UBAP1: variants seen among roughly 807,000 people sequenced by gnomAD.
UBAP1 encodes ubiquitin-associated protein 1.
A neutral mutation model predicts 39.0 loss-of-function variants in UBAP1; 5 were observed. The observed-to-expected ratio is 0.13, with a 90% CI of 0.07 to 0.27. UBAP1 has a LOEUF of 0.27. UBAP1 is among the 10% of genes least tolerant of loss of function. The probability of loss-of-function intolerance (pLI) is 1.00; values close to 1 mark genes in which losing one functional copy is unlikely to be tolerated. For synonymous variants in UBAP1, 211 were observed against 225.1 expected (o/e 0.94, Z 0.56); for missense variants, 490 against 608.1 (o/e 0.81, Z 2.04).
chr9:34,220,900 T>A lies in UBAP1; in HGVS notation c.-7-8T>A, dbSNP rs765899604. 4 of 1,612,978 alleles carry A rather than the reference T, an allele frequency of 2.5e-6. No individual in the cohort carries two copies. Among genetic ancestry groups the A allele is most frequent in the Non-Finnish European group, 3.4e-6 (4 of 1,179,374 alleles). The stretch of plus-strand genomic sequence containing the variant: ...AATGTGCCTAAGAAATATTTCCTTG[T>A]TTTTCAGGTTCTAAATGGCTTCTAA... On this transcript the variant is annotated splice_region_variant and splice_polypyrimidine_tract_variant and intron_variant, in intron 1 of 6. Transcript: ENST00000297661.
intron 1 of UBAP1, among the ~76,000 whole-genome samples, chr9:34,195,337 A>T (rs567337369): frequency 6.6e-6 from 1 of 152,086 alleles, no homozygotes; most frequent in South Asian, 2.1e-4. Flanking sequence ...ATTTTGAATT[A>T]ATTATATATG....
At chr9:34,203,989 A>C (rs970223254) in intron 1 of UBAP1, among the ~76,000 whole-genome samples, 1 of 152,224 alleles carries the variant, frequency 6.6e-6, no homozygotes, top group Non-Finnish European at 1.5e-5. Context: ...TTTCAGGTCA[A>C]ATTAATAGCT....
chr9:34,251,601 G>C lies in UBAP1; in HGVS notation c.*69G>C. 4 of 1,550,540 alleles carry C rather than the reference G, an allele frequency of 2.6e-6. No homozygotes were observed. Among genetic ancestry groups the C allele is most frequent in the Non-Finnish European group, 3.5e-6 (4 of 1,149,902 alleles). ...GGAGGCCCTGCAGAGCCCACCTGTG[G>C]GGAAAGAGAAGGGGCAGCTTCCGGA... is the stretch of plus-strand genomic sequence containing the variant. On this transcript the variant is annotated 3_prime_UTR_variant, in exon 7 of 7. Transcript: ENST00000297661.
intron 1 of UBAP1, among the ~76,000 whole-genome samples, chr9:34,195,926 GGTTTTTTTTTT>G (rs1831015443): frequency 1.2e-4 from 5 of 42,590 alleles, no homozygotes; most frequent in Admixed American, 1.1e-3. Context: ...CAAATTTTTT[GGTTTTTTTTTT>G]TTTTTTTTTT....
Position 34,248,526 on chromosome 9 carries a change from C to G in UBAP1, c.1084-1253C>G, listed in dbSNP as rs537002555. ...GGTTTCTTTAGCCCAGGTTAAAGCC[C>G]GTCTCTAAAGAGGGAGACACAATCT... On this transcript the variant is annotated intron_variant, in intron 4 of 6. Transcript: ENST00000297661. Among the ~76,000 whole-genome samples, 355 of 152,234 alleles carry G rather than the reference C, an allele frequency of 2.3e-3. 1 individual carries two copies. Among genetic ancestry groups the G allele is most frequent in the African/African-American group, 7.9e-3 (327 of 41,524 alleles).
chr9:34,241,250 C>A lies in UBAP1; in HGVS notation c.225C>A (p.Ala75=). The A allele has an allele frequency of 6.7e-7, 1 of 1,499,822 alleles. No homozygotes were observed. The highest frequency in any genetic ancestry group is 8.9e-7 in the Non-Finnish European group (1 of 1,125,462). 92.9% of individuals were successfully genotyped at this position (1,499,822 alleles called of 1,614,324 possible). The change falls in exon 4 of 7, where the codon GCC becomes GCA. Residue 75 remains alanine (A), a synonymous_variant. Transcript: ENST00000297661. The part of the protein sequence containing the change: ...WAEEIKKIEE[A]EREAECKIAE... ...AAGAGATTAAGAAAATCGAAGAAGC[C>A]GAGCGGGAAGCAGAGTGCAAAATTG...
chr9:34,216,219 T>TA (rs1158569381), intron 1 of UBAP1, among the ~76,000 whole-genome samples: 1 of 152,006 alleles, frequency 6.6e-6, no homozygotes, highest in African/African-American at 2.4e-5. Flanking sequence ...AAAAAAAACT[T>TA]ACTGAGGTGA....
chr9:34,184,022 G>A (rs761762144), intron 1 of UBAP1, among the ~76,000 whole-genome samples: 4 of 151,814 alleles, frequency 2.6e-5, no homozygotes, highest in Admixed American at 1.3e-4. Flanking sequence ...CATCCGCTTC[G>A]GCCTCCCAAA....
intron 1 of UBAP1, among the ~76,000 whole-genome samples, chr9:34,188,284 T>C (rs1217546429): frequency 2.0e-5 from 3 of 152,216 alleles, no homozygotes; most frequent in Non-Finnish European, 4.4e-5. Context: ...TCCGTACTTA[T>C]GTAACTACCA....
At chr9:34,193,542 TG>T (rs1830853567) in intron 1 of UBAP1, among the ~76,000 whole-genome samples, 1 of 152,128 alleles carries the variant, frequency 6.6e-6, no homozygotes. Context: ...GTTGCATGTC[TG>T]GGGCCCTGGA....
chr9:34,251,816 A>C lies in UBAP1; in HGVS notation c.*284A>C. 7.6e-6 allele frequency: 2 copies of C among 264,152 alleles called. No homozygotes were observed. The highest frequency in any genetic ancestry group is 6.7e-5 in the South Asian group (1 of 15,002). The allele number at this position is 264,152 out of a possible 1,614,324, so 16.4% of individuals were successfully genotyped here. A position where few individuals can be genotyped will look rare whatever the true frequency, so the allele number is the denominator to read the frequency against. ...CCCACTTCAGCCCTCCGGAGAGACT[A>C]CCCTAGTCTTTCTGGGGTGTTTATG... On this transcript the variant is annotated 3_prime_UTR_variant, in exon 7 of 7. Coordinates refer to ENST00000297661, the MANE Select transcript of UBAP1 (RefSeq NM_016525.5).
intron 3 of UBAP1, among the ~76,000 whole-genome samples, chr9:34,239,106 G>A (rs563881084): frequency 9.3e-4 from 142 of 152,274 alleles, no homozygotes; most frequent in African/African-American, 3.1e-3. Context: ...GTGCAGTGGC[G>A]CCATCTTGGC....
chr9:34,179,104 C>G lies in UBAP1; in HGVS notation c.-144C>G, dbSNP rs1432888493. On this transcript the variant is annotated 5_prime_UTR_variant, in exon 1 of 7. Transcript: ENST00000297661. ...GCGGTGGCTACGGTGACGGCCTGGC[C>G]CGGAGCGGGCAGAGTTGGAGGTGGT... 1.6e-6 allele frequency: 2 copies of G among 1,278,846 alleles called. No homozygotes were observed. The highest frequency in any genetic ancestry group is 2.1e-4 in the Middle Eastern group (1 of 4,878). 79.2% of individuals were successfully genotyped at this position (1,278,846 alleles called of 1,614,324 possible). A position where few individuals can be genotyped will look rare whatever the true frequency, so the allele number is the denominator to read the frequency against.
At chr9:34,195,014 A>G (rs1830942629) in intron 1 of UBAP1, among the ~76,000 whole-genome samples, 1 of 152,208 alleles carries the variant, frequency 6.6e-6, no homozygotes, top group Non-Finnish European at 1.5e-5. Context: ...TTCTTGCTCA[A>G]ACTCACTTTA....
chr9:34,179,359 A>G (rs1829888356), intron 1 of UBAP1, 119 bp downstream of exon 1: 4 of 753,626 alleles, frequency 5.3e-6, no homozygotes, highest in Non-Finnish European at 1.8e-6. Context: ...CGCCGGAGCT[A>G]GGAGGTGGGA....
At position 34,249,864 on chromosome 9, in the gene UBAP1, C is replaced by A. The variant is rs1182174486; in HGVS notation, c.1169C>A (p.Pro390His). Reference sequence around the variant, plus strand: ...TATTCTGAACTGCAGATGCTGTCCCCCAGCGAGCGGCAGTGTGTGGAGACG... The same window carrying A: ...TATTCTGAACTGCAGATGCTGTCCCACAGCGAGCGGCAGTGTGTGGAGACG... The part of the protein sequence containing the change: ...QAYSELQMLS[P>H]SERQCVETVV... The change falls in exon 5 of 7, where the codon CCC (proline) becomes CAC (histidine). Residue 390 changes from proline to histidine, a missense_variant. This residue lies in a region of UBAP1 where 339 missense variants were observed against 390.0 expected (regional missense o/e 0.87). Coordinates refer to ENST00000297661, the MANE Select transcript of UBAP1 (RefSeq NM_016525.5). 1.2e-6 allele frequency: 2 copies of A among 1,614,188 alleles called. No individual in the cohort carries two copies. Among genetic ancestry groups the A allele is most frequent in the South Asian group, 2.2e-5 (2 of 91,086 alleles).
chr9:34,181,116 C>CTTTCTTTTTT lies in UBAP1; in HGVS notation c.-8+1879_-8+1880insCTTTTTTTTT, dbSNP rs1193356334. On this transcript the variant is annotated intron_variant, in intron 1 of 6. Transcript: ENST00000297661. Reference sequence around the variant, plus strand: ...TGAGCCACCGCACCCGGCCTGTTTTCTTTTTTTTTTTTTTTTTGAGACAGA... The same window carrying CTTTCTTTTTT: ...TGAGCCACCGCACCCGGCCTGTTTTCTTTCTTTTTTTTTTTTTTTTTTTTTTTGAGACAGA... Among the ~76,000 whole-genome samples, 97 of 72,252 alleles carry CTTTCTTTTTT rather than the reference C, an allele frequency of 1.3e-3. 8 individuals carry two copies. The highest frequency in any genetic ancestry group is 6.6e-3 in the Admixed American group (34 of 5,152). 47.4% of individuals were successfully genotyped at this position (72,252 alleles called of 152,430 possible).
intron 1 of UBAP1, among the ~76,000 whole-genome samples, chr9:34,203,274 C>T (rs1831501271): frequency 6.6e-6 from 1 of 152,162 alleles, no homozygotes; most frequent in African/African-American, 2.4e-5. Context: ...CATGCCACTT[C>T]ACTCCAACCT....
chr9:34,249,507 G>A (rs187402067), intron 4 of UBAP1, among the ~76,000 whole-genome samples: 79 of 152,190 alleles, frequency 5.2e-4, no homozygotes, highest in African/African-American at 1.9e-3. Flanking sequence ...GTGTTGTGGC[G>A]CTTTCTCAAT....
Sources: gnomAD v4.1 joint callset for allele counts (sites outside exome capture counted in the v4.1 genomes callset) on GRCh38, gnomAD v4.1.1 for gene constraint, gnomAD v4.1.1 regional missense constraint, MANE v1.5 for transcripts, NCBI Gene and HGNC (gene_info 2026-07-23, HGNC 2026-07-21) for gene names.